CAMTA1: variants seen among roughly 807,000 people sequenced by gnomAD.
CAMTA1 encodes calmodulin-binding transcription activator 1.
In CAMTA1, 27 loss-of-function variants were observed where a neutral mutation model predicts 170.9. That is an observed-to-expected ratio of 0.16 (90% confidence interval 0.12 to 0.22). The LOEUF (loss-of-function observed/expected upper bound fraction) is 0.22. Among genes scored for constraint, CAMTA1 ranks in the 10% least tolerant of loss-of-function variants. The pLI, the probability that CAMTA1 is intolerant of heterozygous loss-of-function variation, is 1.00. For synonymous variants in CAMTA1, 833 were observed against 891.5 expected, an observed-to-expected ratio of 0.93 and a Z score of 1.17; for missense variants, 1,619 against 2,217.2, an observed-to-expected ratio of 0.73 and a Z score of 5.42.
At chr1:7,578,710 T>C (rs1440776190) in intron 6 of CAMTA1, among the ~76,000 whole-genome samples, 1 of 152,112 alleles carries the variant, frequency 6.6e-6, no homozygotes, top group Non-Finnish European at 1.5e-5. Context: ...AAGTCCAAGA[T>C]GGACAGATGG....
intron 5 of CAMTA1, among the ~76,000 whole-genome samples, chr1:7,433,109 T>C (rs2092232921): frequency 6.6e-6 from 1 of 152,224 alleles, no homozygotes; most frequent in African/African-American, 2.4e-5. Flanking sequence ...CCTTATTCAA[T>C]AGAGCCAGGT....
chr1:7,312,635 G>A (rs1022776193), intron 5 of CAMTA1, among the ~76,000 whole-genome samples: 1 of 152,174 alleles, frequency 6.6e-6, no homozygotes, highest in Non-Finnish European at 1.5e-5. Context: ...AACCAGAACT[G>A]CTTCCATATA....
chr1:7,131,550 T>C (rs1164843438), intron 4 of CAMTA1, among the ~76,000 whole-genome samples: 1 of 151,296 alleles, frequency 6.6e-6, no homozygotes, highest in Non-Finnish European at 1.5e-5. Context: ...TTGCTGTGGC[T>C]ACCTGATTAT....
intron 5 of CAMTA1, among the ~76,000 whole-genome samples, chr1:7,408,216 C>T (rs903644949): frequency 6.6e-6 from 1 of 152,104 alleles, no homozygotes. Flanking sequence ...CCCCGGCAAG[C>T]CTGGCGATGG....
chr1:6,878,329 T>C (rs1670511063), intron 3 of CAMTA1, among the ~76,000 whole-genome samples: 1 of 152,228 alleles, frequency 6.6e-6, no homozygotes, highest in African/African-American at 2.4e-5. Flanking sequence ...CTTTTAAGCC[T>C]CAAGTCAAGG....
intron 11 of CAMTA1, among the ~76,000 whole-genome samples, chr1:7,728,739 G>A (rs1048426908): frequency 6.6e-6 from 1 of 152,232 alleles, no homozygotes; most frequent in African/African-American, 2.4e-5. Flanking sequence ...TCTAACTGAA[G>A]AGTCAACTTC....
intron 5 of CAMTA1, among the ~76,000 whole-genome samples, chr1:7,278,549 G>A (rs970377028): frequency 7.9e-5 from 12 of 152,194 alleles, no homozygotes; most frequent in Non-Finnish European, 1.2e-4. Flanking sequence ...GAGAAACTGA[G>A]GCTCAGAAAG....
At chr1:7,705,557 C>A (rs1344204887) in intron 11 of CAMTA1, among the ~76,000 whole-genome samples, 1 of 150,718 alleles carries the variant, frequency 6.6e-6, no homozygotes, top group Non-Finnish European at 1.5e-5. Flanking sequence ...CGCGGGGGCC[C>A]GGCCCGGCCG....
Position 7,738,530 on chromosome 1 carries a change from T to C in CAMTA1, c.4182+48T>C. On this transcript the variant is annotated intron_variant, in intron 16 of 22. Transcript: ENST00000303635. The surrounding 1 kb of genome is among the most constrained non-coding windows in gnomAD (Gnocchi z 4.9). ...GCCCGCAGAGGCTGGTGCGTTCCAG[T>C]TGCTGTGATCTTTATGGTCCATTTC... The C allele has an allele frequency of 6.4e-7, 1 of 1,571,924 alleles. No individual in the cohort carries two copies. Among genetic ancestry groups the C allele is most frequent in the Non-Finnish European group, 8.6e-7 (1 of 1,156,278 alleles).
chr1:6,977,782 A>G lies in CAMTA1; in HGVS notation c.235-113522A>G, dbSNP rs561404215. 1.2e-4 allele frequency among the ~76,000 whole-genome samples: 18 copies of G among 152,368 alleles called. No individual in the cohort carries two copies. In the South Asian group the frequency reaches 1.7e-3, roughly 14 times the overall value. On this transcript the variant is annotated intron_variant, in intron 3 of 22. Coordinates refer to ENST00000303635, the MANE Select transcript of CAMTA1 (RefSeq NM_015215.4). ...GCTTAGCCTAAGTCACGTATCTAAA[A>G]AGTGCTGAACCTGGGTTTTAAAAAA...
intron 6 of CAMTA1, among the ~76,000 whole-genome samples, chr1:7,613,257 C>G (rs932616064): frequency 2.6e-5 from 4 of 152,232 alleles, no homozygotes; most frequent in African/African-American, 9.6e-5. Flanking sequence ...AGAGTCCTCA[C>G]TGACCCCCTC....
At chr1:7,628,123 C>T (rs1242235134) in intron 6 of CAMTA1, among the ~76,000 whole-genome samples, 10 of 152,286 alleles carry the variant, frequency 6.6e-5, no homozygotes, top group Admixed American at 1.3e-4. Context: ...TCAGTTGCAT[C>T]GAGGCTTTGT....
chr1:7,257,076 C>CGGTG (rs1553291544), intron 5 of CAMTA1, among the ~76,000 whole-genome samples: 7 of 135,134 alleles, frequency 5.2e-5, no homozygotes, highest in Non-Finnish European at 4.9e-5. Flanking sequence ...CATCGCATGG[C>CGGTG]GGGGGCGGGG....
intron 3 of CAMTA1, among the ~76,000 whole-genome samples, chr1:7,081,332 G>A (rs1639985518): frequency 6.6e-6 from 1 of 152,200 alleles, no homozygotes; most frequent in African/African-American, 2.4e-5. Flanking sequence ...ATTCTGCTAT[G>A]CCAGCAAAGG....
In CAMTA1 at chr1:7,065,032, GA is replaced by G. The variant is rs1264204612; in HGVS notation, c.235-26267del. 6.6e-6 allele frequency among the ~76,000 whole-genome samples: 1 copy of G among 152,144 alleles called. No individual in the cohort carries two copies. Among genetic ancestry groups the G allele is most frequent in the East Asian group, 1.9e-4 (1 of 5,194 alleles). ...ATCTACCGAGAAGGCAAAGCCTGGGGAAAAACAGGTTTGAGGAGGCAAATAA... is the reference window on the plus strand; with the variant it reads ...ATCTACCGAGAAGGCAAAGCCTGGGGAAAACAGGTTTGAGGAGGCAAATAA... On this transcript the variant is annotated intron_variant, in intron 3 of 22. Coordinates refer to ENST00000303635, the MANE Select transcript of CAMTA1 (RefSeq NM_015215.4). This position sits in a 1 kb window ranked among gnomAD's most constrained non-coding sequence, Gnocchi z 5.2.
chr1:7,532,561 C>G lies in CAMTA1; in HGVS notation c.510+64660C>G, dbSNP rs905055039. ...AATCAATCCTCCCATTTCGGCCCCCCGAGTTCAGCTTCTTTCTTTAATCCA... is the reference window on the plus strand; with the variant it reads ...AATCAATCCTCCCATTTCGGCCCCCGGAGTTCAGCTTCTTTCTTTAATCCA... On this transcript the variant is annotated intron_variant, in intron 6 of 22. Transcript: ENST00000303635. This position sits in a 1 kb window ranked among gnomAD's most constrained non-coding sequence, Gnocchi z 4.2. Among the ~76,000 whole-genome samples, 1 of 152,196 alleles carries G rather than the reference C, an allele frequency of 6.6e-6. No homozygotes were observed. Among genetic ancestry groups the G allele is most frequent in the Non-Finnish European group, 1.5e-5 (1 of 68,038 alleles).
intron 3 of CAMTA1, among the ~76,000 whole-genome samples, chr1:7,039,122 A>G (rs1349525602): frequency 6.6e-6 from 1 of 152,260 alleles, no homozygotes; most frequent in African/African-American, 2.4e-5. Flanking sequence ...TTCTGGTGGT[A>G]ATTTGCTGGA....
At chr1:6,964,244 G>A (rs1035867772) in intron 3 of CAMTA1, among the ~76,000 whole-genome samples, 9 of 152,066 alleles carry the variant, frequency 5.9e-5, no homozygotes, top group Admixed American at 4.6e-4. Flanking sequence ...GTCTGGGTAG[G>A]AGTGGTGTGT....
At chr1:7,584,139 A>G (rs925594129) in intron 6 of CAMTA1, among the ~76,000 whole-genome samples, 1 of 152,086 alleles carries the variant, frequency 6.6e-6, no homozygotes, top group African/African-American at 2.4e-5. Context: ...AACTTTATTC[A>G]TGATGCTTGT....
Sources: gnomAD v4.1 joint callset for allele counts (sites outside exome capture counted in the v4.1 genomes callset) on GRCh38, gnomAD v4.1.1 for gene constraint, Gnocchi (gnomAD v3.1) non-coding constraint, MANE v1.5 for transcripts, NCBI Gene and HGNC (gene_info 2026-07-23, HGNC 2026-07-21) for gene names.